The following SIDT1 variants were observed in gnomAD, a reference collection of about 807,000 sequenced individuals.
The protein encoded by SIDT1 is SID1 transmembrane family member 1, also known as SID1 transmembrane family, member 1.
A neutral mutation model predicts 107.5 loss-of-function variants in SIDT1; 101 were observed. The ratio of observed to expected loss-of-function variants is 0.94; its 90% CI spans 0.80 to 1.11. SIDT1 has a LOEUF of 1.11. Ranked by LOEUF, SIDT1 falls within the 50% of genes least tolerant of loss-of-function variation. The pLI, the probability that SIDT1 is intolerant of heterozygous loss-of-function variation, is 0.00. For synonymous variants in SIDT1, 395 were observed against 398.2 expected, an observed-to-expected ratio of 0.99 and a Z score of 0.10; for missense variants, 1,076 against 1,058.2, an observed-to-expected ratio of 1.02 and a Z score of -0.23.
chr3:113,603,173 C>T, intron 12 of SIDT1, 23 bp downstream of exon 12: 1 of 1,603,414 alleles, frequency 6.2e-7, no homozygotes, highest in Non-Finnish European at 8.5e-7. Context: ...CCTCGCCGTA[C>T]TCTTTGAGAG....
chr3:113,606,096 C>A (rs1411503590), intron 14 of SIDT1, among the ~76,000 whole-genome samples: 3 of 151,352 alleles, frequency 2.0e-5, no homozygotes, highest in African/African-American at 7.3e-5. Context: ...TAAAAACAAG[C>A]ATTTTTTAAG....
At chr3:113,548,921 C>T (rs1175326645) in intron 1 of SIDT1, among the ~76,000 whole-genome samples, 1 of 152,126 alleles carries the variant, frequency 6.6e-6, no homozygotes, top group Non-Finnish European at 1.5e-5. Context: ...GTATGGTTTT[C>T]TCCTGTTGAT....
chr3:113,569,129 A>C (rs1287937093), intron 3 of SIDT1, among the ~76,000 whole-genome samples: 4 of 111,090 alleles, frequency 3.6e-5, no homozygotes, highest in African/African-American at 3.6e-5. Flanking sequence ...AAGGAGTGAG[A>C]CTCCCTCTCA....
At chr3:113,574,842 G>T (rs1471108585) in intron 3 of SIDT1, among the ~76,000 whole-genome samples, 1 of 152,056 alleles carries the variant, frequency 6.6e-6, no homozygotes, top group Non-Finnish European at 1.5e-5. Flanking sequence ...AAACAAATCA[G>T]TTGAAATTTT....
chr3:113,584,638 C>CA (rs962167118), intron 7 of SIDT1, 60 bp from the exon 8 acceptor site: 382 of 1,219,616 alleles, frequency 3.1e-4, no homozygotes, highest in Middle Eastern at 3.8e-4. Context: ...GACAAGAGAC[C>CA]AAAAAAAATC....
At chr3:113,562,927 G>A (rs1307393640) in intron 1 of SIDT1, among the ~76,000 whole-genome samples, 2 of 152,308 alleles carry the variant, frequency 1.3e-5, no homozygotes, top group Non-Finnish European at 2.9e-5. Flanking sequence ...ACATTTTTAG[G>A]TTGCTATATG....
chr3:113,544,244 G>T (rs1939302835), intron 1 of SIDT1, among the ~76,000 whole-genome samples: 1 of 152,030 alleles, frequency 6.6e-6, no homozygotes, highest in African/African-American at 2.4e-5. Flanking sequence ...AGGATGGAGT[G>T]CAGTGGCATG....
At position 113,533,084 on chromosome 3, in the gene SIDT1, GC is replaced by G; in HGVS notation, c.66del (p.His24ThrfsTer33). On this transcript the variant is annotated frameshift_variant, in exon 1 of 25. Coordinates refer to ENST00000264852, the MANE Select transcript of SIDT1 (RefSeq NM_017699.3). LOFTEE classifies it high-confidence loss of function. ...TGCCCTGGCTCCTGCTGGCGGCGTCGCCCGGGCACCCGGCGAAATCCCCCAG... is the reference window on the plus strand; with the variant it reads ...TGCCCTGGCTCCTGCTGGCGGCGTCGCCGGGCACCCGGCGAAATCCCCCAG... Reference protein sequence around the residue: ...ALPWLLLAASPGHPAKSPRQP... With the variant: ...ALPWLLLAASXGHPAKSPRQP... The G allele has an allele frequency of 6.6e-7, 1 of 1,506,308 alleles. No homozygotes were observed. The allele number at this position is 1,506,308 out of a possible 1,614,324, so 93.3% of individuals were successfully genotyped here.
At chr3:113,627,239 C>A (rs1946919993) in intron 24 of SIDT1, among the ~76,000 whole-genome samples, 1 of 152,148 alleles carries the variant, frequency 6.6e-6, no homozygotes, top group Non-Finnish European at 1.5e-5. Context: ...TTTTTACCTC[C>A]CCACACCTGA....
At chr3:113,579,356 C>G (rs1020003182) in intron 4 of SIDT1, among the ~76,000 whole-genome samples, 3 of 152,292 alleles carry the variant, frequency 2.0e-5, no homozygotes, top group African/African-American at 7.2e-5. Flanking sequence ...ATATATGAGG[C>G]TCATTATTGC....
chr3:113,619,887 G>A (rs1369482065), intron 21 of SIDT1, 161 bp downstream of exon 21: 1 of 636,176 alleles, frequency 1.6e-6, no homozygotes, highest in Non-Finnish European at 2.8e-6. Context: ...ACATTCTCGT[G>A]TAGCAATTGT....
rs376575022 is a variant in SIDT1, at chr3:113,592,601, CT to C, written c.1002-393del. On this transcript the variant is annotated intron_variant, in intron 9 of 24. Coordinates refer to ENST00000264852, the MANE Select transcript of SIDT1 (RefSeq NM_017699.3). ...TTGTTTTGTTTTTCTTTTTCTTTTT[CT>C]TTTTTTTTTTGAGATGGAGTCTCGC... The C allele has an allele frequency of 8.8e-3, 1,295 of 146,768 alleles. 17 individuals carry two copies. Among genetic ancestry groups the C allele is most frequent in the African/African-American group, 0.03 (1,154 of 38,864 alleles). The allele number at this position is 146,768 out of a possible 1,614,324, so 9.1% of individuals were successfully genotyped here.
rs190387483 is a variant in SIDT1 at position 113,564,051 on chromosome 3, C to A, written c.223-2369C>A. ...GCAACCTCTGCCTCCTGGGTTCAAG[C>A]GATTCTCCTGCCTCAGCCTCCCGAG... On this transcript the variant is annotated intron_variant, in intron 1 of 24. Transcript: ENST00000264852. Among the ~76,000 whole-genome samples, 5 of 152,172 alleles carry A rather than the reference C, an allele frequency of 3.3e-5. No individual in the cohort carries two copies. The East Asian group carries it at 7.7e-4, about 24-fold the overall frequency.
chr3:113,617,402 A>G (rs1273482642), intron 20 of SIDT1, among the ~76,000 whole-genome samples: 1 of 152,162 alleles, frequency 6.6e-6, no homozygotes, highest in Non-Finnish European at 1.5e-5. Flanking sequence ...TGAGAAGGCT[A>G]CCTTCCTCCT....
chr3:113,626,985 TG>T (rs1331200616), intron 24 of SIDT1, among the ~76,000 whole-genome samples: 1 of 152,328 alleles, frequency 6.6e-6, no homozygotes, highest in African/African-American at 2.4e-5. Flanking sequence ...TTGGGAAGCT[TG>T]GCCAATCTGT....
In SIDT1 at chr3:113,577,812, G is replaced by A. The variant is rs147996060; in HGVS notation, c.561+845G>A. Among the ~76,000 whole-genome samples the A allele has an allele frequency of 1.4e-3, 208 of 152,306 alleles. 1 individual carries two copies. Among genetic ancestry groups the A allele is most frequent in the African/African-American group, 4.3e-3 (180 of 41,556 alleles). On this transcript the variant is annotated intron_variant, in intron 4 of 24. Transcript: ENST00000264852. ...GGACTTGTTGTAAATATACTACTGC[G>A]GTGCTGGTAAATAGTTAAGAACTGG...
intron 1 of SIDT1, among the ~76,000 whole-genome samples, chr3:113,554,439 G>T (rs1469911886): frequency 6.6e-6 from 1 of 152,106 alleles, no homozygotes; most frequent in Admixed American, 6.5e-5. Flanking sequence ...CTGAATCATA[G>T]GGGTGGGTTT....
chr3:113,543,275 A>G (rs904073789), intron 1 of SIDT1, among the ~76,000 whole-genome samples: 1 of 152,104 alleles, frequency 6.6e-6, no homozygotes, highest in African/African-American at 2.4e-5. Context: ...TGAGGCCAAC[A>G]CTGTTCCAGA....
At chr3:113,558,376 C>T (rs764080339) in intron 1 of SIDT1, among the ~76,000 whole-genome samples, 3 of 152,168 alleles carry the variant, frequency 2.0e-5, no homozygotes, top group Non-Finnish European at 2.9e-5. Flanking sequence ...CCTCTTCCTC[C>T]ATCCCCAAAA....
Sources: allele counts gnomAD v4.1 joint callset (sites outside exome capture counted in the v4.1 genomes callset), GRCh38; gene constraint gnomAD v4.1.1; transcripts MANE v1.5; gene names NCBI Gene and HGNC (gene_info 2026-07-23, HGNC 2026-07-21).